The following PTPRM variants were observed in gnomAD, a reference collection of about 807,000 sequenced individuals.
PTPRM encodes protein tyrosine phosphatase receptor type M, also known as receptor-type tyrosine-protein phosphatase mu.
PTPRM carries 47 observed loss-of-function variants against 186.7 expected under a neutral mutation model. That is an observed-to-expected ratio of 0.25 (90% CI 0.20 to 0.32). The LOEUF (loss-of-function observed/expected upper bound fraction) is 0.32, where lower values mean the gene tolerates loss of function less well. Ranked by LOEUF, PTPRM falls within the 10% of genes least tolerant of loss-of-function variation. The pLI, the probability that PTPRM is intolerant of heterozygous loss-of-function variation, is 1.00. For missense variants in PTPRM, 1,494 were observed against 1,865.0 expected, an observed-to-expected ratio of 0.80 and a Z score of 3.66; for synonymous variants, 668 against 674.9, an observed-to-expected ratio of 0.99 and a Z score of 0.16.
At chr18:7,985,834 T>A (rs901756953) in intron 7 of PTPRM, among the ~76,000 whole-genome samples, 5 of 152,064 alleles carry the variant, frequency 3.3e-5, no homozygotes, top group Admixed American at 2.0e-4. Context: ...AAATAGTAGG[T>A]CTTATTCATT....
At position 7,762,280 on chromosome 18, in the gene PTPRM, G is replaced by A. The variant is rs554885144; in HGVS notation, c.74-11869G>A. Among the ~76,000 whole-genome samples, 144 of 152,098 alleles carry A rather than the reference G, an allele frequency of 9.5e-4. 1 individual carries two copies. The highest frequency in any genetic ancestry group is 3.1e-3 in the African/African-American group (130 of 41,478). The stretch of plus-strand genomic sequence containing the variant: ...CAGGTACCTGGGAGAGGTGTTGTCC[G>A]AGCTGGGATTTGAAAAGTGTGCAAG... On this transcript the variant is annotated intron_variant, in intron 1 of 32. Coordinates refer to ENST00000580170, the MANE Select transcript of PTPRM (RefSeq NM_001105244.2).
chr18:8,098,945 A>T (rs1216709253), intron 11 of PTPRM, among the ~76,000 whole-genome samples: 1 of 152,072 alleles, frequency 6.6e-6, no homozygotes, highest in Non-Finnish European at 1.5e-5. Context: ...TCTAATGGGG[A>T]AGCCTCTGGC....
At chr18:8,296,696 G>A (rs1249965991) in intron 20 of PTPRM, among the ~76,000 whole-genome samples, 1 of 152,140 alleles carries the variant, frequency 6.6e-6, no homozygotes. Flanking sequence ...CACAGGTAAC[G>A]TTAAGATGCT....
chr18:8,000,746 T>C (rs1322189200), intron 7 of PTPRM, among the ~76,000 whole-genome samples: 1 of 152,208 alleles, frequency 6.6e-6, no homozygotes, highest in Non-Finnish European at 1.5e-5. Flanking sequence ...CCATATATCA[T>C]GAAGTCACAA....
At chr18:8,118,864 C>T (rs2092065663) in intron 13 of PTPRM, among the ~76,000 whole-genome samples, 1 of 143,868 alleles carries the variant, frequency 7.0e-6, no homozygotes, top group Non-Finnish European at 1.5e-5. Context: ...TTTTTTTAAG[C>T]TCATCAGCTG....
intron 2 of PTPRM, among the ~76,000 whole-genome samples, chr18:7,819,668 G>C (rs1016132881): frequency 4.6e-5 from 7 of 152,232 alleles, no homozygotes; most frequent in African/African-American, 1.4e-4. Flanking sequence ...TGTCCTTGCA[G>C]TAAGGCAGGG....
chr18:7,914,658 ATTAG>A (rs1286562920), intron 4 of PTPRM, among the ~76,000 whole-genome samples: 1 of 152,134 alleles, frequency 6.6e-6, no homozygotes, highest in African/African-American at 2.4e-5. Flanking sequence ...ACTTGCTAGA[ATTAG>A]TTAGCTGCTA....
At chr18:8,182,437 A>G (rs1294737863) in intron 14 of PTPRM, among the ~76,000 whole-genome samples, 1 of 152,166 alleles carries the variant, frequency 6.6e-6, no homozygotes, top group Admixed American at 6.5e-5. Flanking sequence ...GCTAAACTTG[A>G]GTTCATTTTA....
intron 1 of PTPRM, among the ~76,000 whole-genome samples, chr18:7,689,459 G>A (rs535457630): frequency 6.6e-6 from 1 of 152,318 alleles, no homozygotes; most frequent in Non-Finnish European, 1.5e-5. Flanking sequence ...ACCAAGGAAA[G>A]ATGTTGATCT....
At chr18:7,699,009 C>T (rs1448136373) in intron 1 of PTPRM, among the ~76,000 whole-genome samples, 1 of 152,212 alleles carries the variant, frequency 6.6e-6, no homozygotes, top group Non-Finnish European at 1.5e-5. Flanking sequence ...CCAGGCTGCA[C>T]ATCAGGACGT....
intron 7 of PTPRM, among the ~76,000 whole-genome samples, chr18:8,016,578 A>AT (rs1434016018): frequency 6.6e-6 from 1 of 152,022 alleles, no homozygotes; most frequent in Admixed American, 6.6e-5. Context: ...CAAGAAAAAT[A>AT]TTTGAGAGTC....
At chr18:7,586,863 C>T (rs778119633) in intron 1 of PTPRM, among the ~76,000 whole-genome samples, 3 of 152,176 alleles carry the variant, frequency 2.0e-5, no homozygotes, top group Non-Finnish European at 2.9e-5. Context: ...TGTAAAGACC[C>T]AAGTACCAAA....
chr18:7,820,639 G>A (rs983622203), intron 2 of PTPRM, among the ~76,000 whole-genome samples: 1 of 152,032 alleles, frequency 6.6e-6, no homozygotes, highest in Admixed American at 6.6e-5. Context: ...GAAGAGCCTC[G>A]CCTCTTCAGT....
chr18:7,740,021 A>G (rs989768703), intron 1 of PTPRM, among the ~76,000 whole-genome samples: 1 of 152,252 alleles, frequency 6.6e-6, no homozygotes, highest in African/African-American at 2.4e-5. Flanking sequence ...ATTTAAACTC[A>G]TAAAAATTAA....
chr18:7,844,544 G>A (rs1318748314), intron 2 of PTPRM, among the ~76,000 whole-genome samples: 1 of 152,150 alleles, frequency 6.6e-6, no homozygotes, highest in South Asian at 2.1e-4. Flanking sequence ...GTTCAGGAAG[G>A]GTGGAAACAG....
chr18:8,254,658 T>C (rs934602350), intron 19 of PTPRM, among the ~76,000 whole-genome samples: 8 of 152,312 alleles, frequency 5.3e-5, no homozygotes, highest in Admixed American at 3.9e-4. Context: ...TCCAACTCTG[T>C]TTCTTCTCTT....
At chr18:7,997,958 A>G (rs1358377708) in intron 7 of PTPRM, among the ~76,000 whole-genome samples, 1 of 152,186 alleles carries the variant, frequency 6.6e-6, no homozygotes, top group Non-Finnish European at 1.5e-5. Context: ...CCATTATGGA[A>G]GGCAATATAG....
At chr18:8,377,109 G>A (rs1165090933) in intron 26 of PTPRM, 1 of 152,536 alleles carries the variant, frequency 6.6e-6, no homozygotes. Flanking sequence ...AACTCTGTAA[G>A]TGGAAATTCA....
intron 22 of PTPRM, among the ~76,000 whole-genome samples, chr18:8,327,605 G>C (rs1243967900): frequency 1.3e-5 from 2 of 152,198 alleles, no homozygotes; most frequent in Non-Finnish European, 2.9e-5. Flanking sequence ...TTAGACAGTA[G>C]AATATCTCAG....
Sources: gnomAD v4.1 joint callset for allele counts (sites outside exome capture counted in the v4.1 genomes callset) on GRCh38, gnomAD v4.1.1 for gene constraint, MANE v1.5 for transcripts, NCBI Gene and HGNC (gene_info 2026-07-23, HGNC 2026-07-21) for gene names.